CDS2: variants seen among roughly 807,000 people sequenced by gnomAD.
CDS2 encodes the protein phosphatidate cytidylyltransferase 2.
A neutral mutation model predicts 59.0 loss-of-function variants in CDS2; 47 were observed. The ratio of observed to expected loss-of-function variants is 0.80; its 90% CI spans 0.63 to 1.02. The LOEUF is 1.02. Ranked by LOEUF, CDS2 falls within the 50% of genes least tolerant of loss-of-function variation. The pLI, the probability that CDS2 is intolerant of heterozygous loss-of-function variation, is 0.00. For synonymous variants in CDS2, 207 were observed against 206.4 expected, an observed-to-expected ratio of 1.00 and a Z score of -0.02; for missense variants, 356 against 558.9, an observed-to-expected ratio of 0.64 and a Z score of 3.66.
chr20:5,175,525 T>C (rs1302922595), intron 3 of CDS2: 1 of 375,780 alleles, frequency 2.7e-6, no homozygotes, highest in Non-Finnish European at 5.0e-6. Flanking sequence ...CTGACTTTAT[T>C]GCCTGTGATC....
intron 1 of CDS2, among the ~76,000 whole-genome samples, chr20:5,143,203 C>A (rs941963771): frequency 4.6e-5 from 7 of 152,216 alleles, no homozygotes; most frequent in Admixed American, 3.9e-4. Flanking sequence ...CATTAGCCAT[C>A]TGAGAGGTGC....
chr20:5,130,493 T>G (rs2090595687), intron 1 of CDS2, among the ~76,000 whole-genome samples: 1 of 150,662 alleles, frequency 6.6e-6, no homozygotes, highest in African/African-American at 2.4e-5. Context: ...AGCTCTGGAA[T>G]AGGCTGGGCG....
intron 1 of CDS2, among the ~76,000 whole-genome samples, chr20:5,140,327 T>C (rs752730134): frequency 1.3e-5 from 2 of 152,232 alleles, no homozygotes; most frequent in African/African-American, 4.8e-5. Flanking sequence ...GTACTTTGTT[T>C]AGGTTTTGAT....
intron 1 of CDS2, among the ~76,000 whole-genome samples, chr20:5,161,818 T>C (rs184832507): frequency 4.3e-4 from 65 of 152,360 alleles, no homozygotes; most frequent in African/African-American, 1.3e-3. Flanking sequence ...TGCTCTTTTT[T>C]GTCTCCTTAC....
chr20:5,150,370 T>C (rs116243530), intron 1 of CDS2, among the ~76,000 whole-genome samples: 1,927 of 152,344 alleles, frequency 0.013, 48 homozygotes, highest in African/African-American at 0.042. Flanking sequence ...TGAACCCAGG[T>C]GTGCTGAATC....
At chr20:5,133,423 T>A (rs1410512552) in intron 1 of CDS2, among the ~76,000 whole-genome samples, 1 of 152,076 alleles carries the variant, frequency 6.6e-6, no homozygotes, top group South Asian at 2.1e-4. Flanking sequence ...CGGCTTGAGG[T>A]AGTTATTTTA....
chr20:5,151,838 C>T (rs12233280), intron 1 of CDS2, among the ~76,000 whole-genome samples: 1 of 138,528 alleles, frequency 7.2e-6, no homozygotes, highest in Non-Finnish European at 1.5e-5. Flanking sequence ...GATCTTGGCT[C>T]GCCACAACCT....
At chr20:5,130,749 C>T (rs1027778488) in intron 1 of CDS2, among the ~76,000 whole-genome samples, 1 of 150,716 alleles carries the variant, frequency 6.6e-6, no homozygotes, top group Non-Finnish European at 1.5e-5. Flanking sequence ...CGCCGTTGCA[C>T]TCCATCCAGC....
chr20:5,176,962 A>T (rs149338907), intron 4 of CDS2, among the ~76,000 whole-genome samples: 55 of 152,338 alleles, frequency 3.6e-4, no homozygotes, highest in African/African-American at 1.3e-3. Flanking sequence ...GTTAAGAGAA[A>T]GTTAAGAGAA....
rs1165330593 is a variant in CDS2 at position 5,192,908 on chromosome 20, C to T, written c.*2674C>T. The T allele has an allele frequency of 6.6e-6, 1 of 152,242 alleles. No homozygotes were observed. Among genetic ancestry groups the T allele is most frequent in the Admixed American group, 6.5e-5 (1 of 15,280 alleles). The allele number at this position is 152,242 out of a possible 1,614,324, so 9.4% of individuals were successfully genotyped here. On this transcript the variant is annotated 3_prime_UTR_variant, in exon 13 of 13. Coordinates refer to ENST00000460006, the MANE Select transcript of CDS2 (RefSeq NM_003818.4). ...GAGTCAGGACTCACTCCATCCTGCA[C>T]TTTACCCACAGGACACCTGGAGGGT... is the stretch of plus-strand genomic sequence containing the variant.
In CDS2 at chr20:5,196,345, A is replaced by T. The variant is rs767825093; in HGVS notation, c.*6111A>T. 1.3e-5 allele frequency: 2 copies of T among 152,094 alleles called. No individual in the cohort carries two copies. The highest frequency in any genetic ancestry group is 2.4e-5 in the African/African-American group (1 of 41,384). 9.4% of individuals were successfully genotyped at this position (152,094 alleles called of 1,614,324 possible). ...AATAGACCTAGGCAGCCTTGTATCCATAGAAAGCCTCCACTGCTGGGCCGG... is the reference window on the plus strand; with the variant it reads ...AATAGACCTAGGCAGCCTTGTATCCTTAGAAAGCCTCCACTGCTGGGCCGG... On this transcript the variant is annotated 3_prime_UTR_variant, in exon 13 of 13. Coordinates refer to ENST00000460006, the MANE Select transcript of CDS2 (RefSeq NM_003818.4).
At chr20:5,145,677 C>A (rs2090735948) in intron 1 of CDS2, among the ~76,000 whole-genome samples, 1 of 152,204 alleles carries the variant, frequency 6.6e-6, no homozygotes, top group Non-Finnish European at 1.5e-5. Flanking sequence ...ACTGGTGATG[C>A]CTGTCCCCTG....
In CDS2 at chr20:5,189,123, C is replaced by G; in HGVS notation, c.1038C>G (p.Ala346=). The G allele has an allele frequency of 1.2e-6, 2 of 1,614,198 alleles. No individual in the cohort carries two copies. Among genetic ancestry groups the G allele is most frequent in the Non-Finnish European group, 1.7e-6 (2 of 1,180,028 alleles). ...QIHSIALSTF[A]SLIGPFGGFF... is the part of the protein sequence containing the mutation. ...ACAGCATCGCTCTCTCCACCTTTGC[C>G]TCGCTCATTGGCCCCTTTGGAGGAT... is the stretch of plus-strand genomic sequence containing the variant. Residue 346 remains alanine, a synonymous_variant, in exon 11 of 13, where the codon GCC becomes GCG. Coordinates refer to ENST00000460006, the MANE Select transcript of CDS2 (RefSeq NM_003818.4).
intron 1 of CDS2, among the ~76,000 whole-genome samples, chr20:5,130,211 G>A (rs1047871687): frequency 1.3e-5 from 2 of 151,812 alleles, no homozygotes; most frequent in Non-Finnish European, 2.9e-5. Context: ...CTGACCTCAG[G>A]TGATCTACCC....
rs145744411 is a variant in CDS2 at position 5,187,254 on chromosome 20, C to G, written c.981+415C>G. 3 of 210,190 alleles carry G rather than the reference C, an allele frequency of 1.4e-5. No individual in the cohort carries two copies. The South Asian group carries it at 2.6e-4, about 18-fold the overall frequency. The allele number at this position is 210,190 out of a possible 1,614,324, so 13.0% of individuals were successfully genotyped here. On this transcript the variant is annotated intron_variant, in intron 10 of 12. Transcript: ENST00000460006. Reference sequence around the variant, plus strand: ...CAGTGGGTTCCTCATGCCACACACTCACAGTACAAACAGGCCAGTTCTAAT... The same window carrying G: ...CAGTGGGTTCCTCATGCCACACACTGACAGTACAAACAGGCCAGTTCTAAT...
At chr20:5,158,809 A>G (rs118088709) in intron 1 of CDS2, among the ~76,000 whole-genome samples, 25 of 152,308 alleles carry the variant, frequency 1.6e-4, no homozygotes, top group Non-Finnish European at 2.9e-4. Context: ...CTCAAGTAGT[A>G]ATAACTCATT....
chr20:5,156,833 G>A (rs1029063498), intron 1 of CDS2, among the ~76,000 whole-genome samples: 1 of 152,174 alleles, frequency 6.6e-6, no homozygotes, highest in Middle Eastern at 3.2e-3. Context: ...ATGTTGGCCA[G>A]CAGGTGAAAG....
chr20:5,171,046 G>A (rs557025215), intron 1 of CDS2, among the ~76,000 whole-genome samples: 33 of 152,302 alleles, frequency 2.2e-4, no homozygotes, highest in Admixed American at 1.6e-3. Flanking sequence ...CAATAGTTGC[G>A]ATATCTTTGT....
At chr20:5,176,869 C>A in intron 4 of CDS2, 124 bp downstream of exon 4, 1 of 695,812 alleles carries the variant, frequency 1.4e-6, no homozygotes, top group South Asian at 1.6e-5. Context: ...AGGCAGTTAT[C>A]ATGTTAGGTC....
Sources: gnomAD v4.1 joint callset for allele counts (sites outside exome capture counted in the v4.1 genomes callset) on GRCh38, gnomAD v4.1.1 for gene constraint, MANE v1.5 for transcripts, NCBI Gene and HGNC (gene_info 2026-07-23, HGNC 2026-07-21) for gene names.